TRHDE: variants seen among roughly 807,000 people sequenced by gnomAD.
TRHDE encodes thyrotropin-releasing hormone-degrading ectoenzyme.
In TRHDE, 72 loss-of-function variants were observed where a neutral mutation model predicts 125.7. That is an observed-to-expected ratio of 0.57 (90% confidence interval 0.47 to 0.70). The LOEUF (loss-of-function observed/expected upper bound fraction) is 0.70. TRHDE is among the 30% of genes least tolerant of loss of function. The pLI is 0.00. For synonymous variants in TRHDE, 509 were observed against 509.1 expected, an observed-to-expected ratio of 1.00 and a Z score of 0.00; for missense variants, 1,110 against 1,327.1, an observed-to-expected ratio of 0.84 and a Z score of 2.54.
intron 2 of TRHDE, among the ~76,000 whole-genome samples, chr12:72,360,098 C>G (rs1939762427): frequency 6.6e-6 from 1 of 151,662 alleles, no homozygotes; most frequent in African/African-American, 2.4e-5. Context: ...ACAATACATT[C>G]CACATGAATG....
At chr12:72,137,419 C>A (rs982500618) in intron 2 of TRHDE, 2 of 152,150 alleles carry the variant, frequency 1.3e-5, no homozygotes, top group Admixed American at 1.3e-4. Context: ...CCTTGTACTA[C>A]CAGACTGGGG....
At chr12:72,460,137 G>A (rs1347508429) in intron 3 of TRHDE, among the ~76,000 whole-genome samples, 4 of 152,188 alleles carry the variant, frequency 2.6e-5, no homozygotes, top group Admixed American at 6.6e-5. Flanking sequence ...TAAAAAGAAA[G>A]TGTGGAACAA....
In TRHDE at chr12:72,381,082, A is replaced by C. The variant is rs1381479915; in HGVS notation, c.1315+2961A>C. ...GGTGCATTTGGTAATATCTGGAGAC[A>C]TTTTTGTTTGTTACAACTTGGGGGG... On this transcript the variant is annotated intron_variant, in intron 3 of 18. Coordinates refer to ENST00000261180, the MANE Select transcript of TRHDE (RefSeq NM_013381.3). Among the ~76,000 whole-genome samples the C allele has an allele frequency of 5.3e-5, 8 of 152,218 alleles. No individual in the cohort carries two copies. In the South Asian group the frequency reaches 1.7e-3, roughly 32 times the overall value.
intron 3 of TRHDE, among the ~76,000 whole-genome samples, chr12:72,468,419 T>C (rs984087337): frequency 6.6e-5 from 10 of 152,226 alleles, no homozygotes; most frequent in South Asian, 2.1e-4. Flanking sequence ...TAATTTTCTC[T>C]TTTCACCTGT....
At position 72,652,476 on chromosome 12, in the gene TRHDE, A is replaced by C; in HGVS notation, c.2830A>C (p.Asn944His). The change falls in exon 16 of 19, where the codon AAT (asparagine) becomes CAT (histidine). Residue 944 changes from asparagine to histidine, a missense_variant. Coordinates refer to ENST00000261180, the MANE Select transcript of TRHDE (RefSeq NM_013381.3). ...AGCCTTAACTTGCAGTGATGACAGG[A>C]ATTTATTAAACAGGTAGGCCGACTG... is the stretch of plus-strand genomic sequence containing the variant. The part of the protein sequence containing the change: ...LEALTCSDDR[N>H]LLNRLLNLSL... 1 of 1,605,712 alleles carries C rather than the reference A, an allele frequency of 6.2e-7. No homozygotes were observed. The highest frequency in any genetic ancestry group is 8.5e-7 in the Non-Finnish European group (1 of 1,175,712).
intron 12 of TRHDE, among the ~76,000 whole-genome samples, chr12:72,597,707 GTGTATGTATA>G (rs1452313003): frequency 1.3e-4 from 6 of 47,626 alleles, no homozygotes; most frequent in African/African-American, 8.5e-4. Flanking sequence ...ATATGTGTGT[GTGTATGTATA>G]TATATATATA....
chr12:72,444,234 G>A (rs909349504), intron 3 of TRHDE, among the ~76,000 whole-genome samples: 1 of 151,730 alleles, frequency 6.6e-6, no homozygotes, highest in Admixed American at 6.6e-5. Context: ...TTTTATAAAT[G>A]TAGACTCTAG....
chr12:72,148,181 T>C (rs1876272193), intron 2 of TRHDE, among the ~76,000 whole-genome samples: 1 of 152,214 alleles, frequency 6.6e-6, no homozygotes. Flanking sequence ...CCAGAACTTC[T>C]AATTCCTAGG....
intron 6 of TRHDE, among the ~76,000 whole-genome samples, chr12:72,539,394 A>C (rs1026708719): frequency 6.6e-6 from 1 of 151,904 alleles, no homozygotes; most frequent in African/African-American, 2.4e-5. Flanking sequence ...GAAGTATACC[A>C]GTGAGGCAAT....
chr12:72,578,051 G>T (rs1310014333), intron 12 of TRHDE, among the ~76,000 whole-genome samples: 2 of 152,068 alleles, frequency 1.3e-5, no homozygotes, highest in Non-Finnish European at 2.9e-5. Context: ...CCATAGTTTT[G>T]CTGTTCAGTC....
At chr12:72,150,015 G>A (rs1876321674) in intron 2 of TRHDE, among the ~76,000 whole-genome samples, 2 of 152,042 alleles carry the variant, frequency 1.3e-5, no homozygotes, top group African/African-American at 4.8e-5. Context: ...ACTAATTAAT[G>A]CAATAAATTT....
chr12:72,485,473 C>G (rs1434320619), intron 5 of TRHDE, among the ~76,000 whole-genome samples: 4 of 152,150 alleles, frequency 2.6e-5, no homozygotes, highest in African/African-American at 7.2e-5. Flanking sequence ...GCTGAAGTAG[C>G]ACTCCAGCCC....
chr12:72,334,987 C>G (rs577381634), intron 2 of TRHDE, among the ~76,000 whole-genome samples: 10 of 152,236 alleles, frequency 6.6e-5, no homozygotes, highest in Admixed American at 1.3e-4. Context: ...CCAGAATGAT[C>G]CCTTTAAAGG....
chr12:72,636,228 A>C (rs1873743916), intron 15 of TRHDE, among the ~76,000 whole-genome samples: 1 of 151,752 alleles, frequency 6.6e-6, no homozygotes, highest in African/African-American at 2.4e-5. Context: ...GATCCCTTGT[A>C]AGTTGGATTC....
chr12:72,501,201 A>G (rs1878140818), intron 6 of TRHDE, among the ~76,000 whole-genome samples: 1 of 152,096 alleles, frequency 6.6e-6, no homozygotes, highest in Non-Finnish European at 1.5e-5. Context: ...CATAGAATGC[A>G]ATTCATTTTT....
At chr12:72,511,164 C>T (rs1878566437) in intron 6 of TRHDE, among the ~76,000 whole-genome samples, 1 of 152,140 alleles carries the variant, frequency 6.6e-6, no homozygotes, top group Non-Finnish European at 1.5e-5. Context: ...TTAAAATGTG[C>T]TCCCAAATTA....
intron 2 of TRHDE, among the ~76,000 whole-genome samples, chr12:72,295,179 GGCTCCTGCCT>G (rs368109242): frequency 1.3e-3 from 203 of 151,502 alleles, no homozygotes; most frequent in African/African-American, 4.3e-3. Flanking sequence ...TTGCAGACGG[GGCTCCTGCCT>G]GCTCCAGGAG....
Position 72,581,541 on chromosome 12 carries a change from G to C in TRHDE, c.2321+5999G>C, listed in dbSNP as rs182978985. On this transcript the variant is annotated intron_variant, in intron 12 of 18. Coordinates refer to ENST00000261180, the MANE Select transcript of TRHDE (RefSeq NM_013381.3). ...TAAAAATTTAGTCACCAGTTTCCTG[G>C]AATATTCAATTTTGCAAAACACGTG... Among the ~76,000 whole-genome samples, 157 of 152,130 alleles carry C rather than the reference G, an allele frequency of 1.0e-3. 2 individuals are homozygous for C. The highest frequency in any genetic ancestry group is 1.2e-4 in the Non-Finnish European group (8 of 67,990).
intron 2 of TRHDE, among the ~76,000 whole-genome samples, chr12:72,113,368 T>C (rs534001824): frequency 3.6e-4 from 54 of 150,376 alleles, no homozygotes; most frequent in Non-Finnish European, 6.9e-4. Context: ...CTCACACCTA[T>C]AATCTCAGCA....
Sources: gnomAD v4.1 joint callset for allele counts (sites outside exome capture counted in the v4.1 genomes callset) on GRCh38, gnomAD v4.1.1 for gene constraint, MANE v1.5 for transcripts, NCBI Gene and HGNC (gene_info 2026-07-23, HGNC 2026-07-21) for gene names.